The following OSBPL8 variants were observed in gnomAD, a reference collection of about 807,000 sequenced individuals.
OSBPL8 encodes the protein oxysterol binding protein like 8.
Under a neutral mutation model 125.5 loss-of-function variants are expected in OSBPL8, and 59 were observed. That is an observed-to-expected ratio of 0.47 (90% CI 0.38 to 0.58). OSBPL8 has a LOEUF of 0.58. Ranked by LOEUF, OSBPL8 falls within the 20% of genes least tolerant of loss-of-function variation. The pLI is 0.00. For missense variants in OSBPL8, 758 were observed against 1,047.8 expected (o/e 0.72, Z 3.82); for synonymous variants, 330 against 338.9 (o/e 0.97, Z 0.29).
At chr12:76,420,732 G>A (rs949297984) in intron 4 of OSBPL8, among the ~76,000 whole-genome samples, 3 of 151,910 alleles carry the variant, frequency 2.0e-5, no homozygotes, top group African/African-American at 7.2e-5. Context: ...CAACAATGAA[G>A]TATATCAGGA....
chr12:76,525,311 A>G (rs903387350), intron 1 of OSBPL8, among the ~76,000 whole-genome samples: 2 of 152,246 alleles, frequency 1.3e-5, no homozygotes, highest in African/African-American at 4.8e-5. Flanking sequence ...AAAAATATAC[A>G]CATAAAGTAA....
chr12:76,430,545 A>G (rs1352116176), intron 4 of OSBPL8, among the ~76,000 whole-genome samples: 2 of 152,228 alleles, frequency 1.3e-5, no homozygotes, highest in Non-Finnish European at 2.9e-5. Context: ...CTCTGTAACC[A>G]ATTCTAAATA....
intron 2 of OSBPL8, among the ~76,000 whole-genome samples, chr12:76,478,436 A>G (rs61925510): frequency 0.2 from 31,032 of 152,146 alleles, 3,410 homozygotes; most frequent in Non-Finnish European, 0.26. Context: ...ATCTCCAAGA[A>G]TAATAGAAAC....
intron 4 of OSBPL8, among the ~76,000 whole-genome samples, chr12:76,425,223 T>C (rs1870009952): frequency 6.6e-6 from 1 of 152,196 alleles, no homozygotes; most frequent in Admixed American, 6.5e-5. Context: ...TCTTTAGACA[T>C]GCAAGGTCTC....
intron 7 of OSBPL8, 66 bp downstream of exon 7, chr12:76,399,807 C>T: frequency 7.5e-7 from 1 of 1,326,444 alleles, no homozygotes; most frequent in Non-Finnish European, 1.0e-6. Context: ...TAGGTATACT[C>T]CAGGCTTTTC....
intron 2 of OSBPL8, among the ~76,000 whole-genome samples, chr12:76,472,111 C>T (rs1014409366): frequency 2.0e-5 from 3 of 152,188 alleles, no homozygotes; most frequent in African/African-American, 4.8e-5. Flanking sequence ...ATGCAAAGGC[C>T]TGAGTTCAAG....
At chr12:76,508,102 C>T (rs1171897050) in intron 1 of OSBPL8, among the ~76,000 whole-genome samples, 2 of 150,912 alleles carry the variant, frequency 1.3e-5, no homozygotes, top group East Asian at 2.0e-4. Flanking sequence ...ACCTGGGAGG[C>T]GGAGGTTGCA....
intron 21 of OSBPL8, among the ~76,000 whole-genome samples, chr12:76,367,159 A>G (rs1321396403): frequency 2.6e-5 from 4 of 151,858 alleles, no homozygotes; most frequent in Middle Eastern, 3.4e-3. Context: ...TTCTTCATCT[A>G]TTGTTATAGA....
At chr12:76,528,092 G>C (rs562665736) in intron 1 of OSBPL8, among the ~76,000 whole-genome samples, 1 of 152,266 alleles carries the variant, frequency 6.6e-6, no homozygotes, top group Admixed American at 6.5e-5. Flanking sequence ...GGAAGCCGAG[G>C]TGGGCGGATC....
intron 1 of OSBPL8, among the ~76,000 whole-genome samples, chr12:76,488,078 T>C (rs1194736603): frequency 2.6e-5 from 4 of 152,166 alleles, no homozygotes; most frequent in Admixed American, 2.0e-4. Context: ...ATTTCAAGAC[T>C]AGAAATTTTC....
Position 76,513,860 on chromosome 12 carries a change from G to GCA in OSBPL8, c.-67-26244_-67-26243dup, listed in dbSNP as rs554141108. Among the ~76,000 whole-genome samples the GCA allele has an allele frequency of 2.0e-5, 3 of 150,520 alleles. No individual in the cohort carries two copies. The East Asian group carries it at 6.0e-4, about 30-fold the overall frequency. On this transcript the variant is annotated intron_variant, in intron 1 of 23. Transcript: ENST00000261183. Reference sequence around the variant, plus strand: ...AGGTGAGTCTTTTGAAGACAGCATAGCACTGGGTCTTGCTTTTTTATCCAG... The same window carrying GCA: ...AGGTGAGTCTTTTGAAGACAGCATAGCACACTGGGTCTTGCTTTTTTATCCAG...
intron 21 of OSBPL8, among the ~76,000 whole-genome samples, chr12:76,367,174 T>A (rs1290093364): frequency 6.6e-6 from 1 of 152,116 alleles, no homozygotes; most frequent in East Asian, 1.9e-4. Context: ...TATAGAGCTG[T>A]TTCTATCTTC....
chr12:76,538,061 C>T (rs982294458), intron 1 of OSBPL8: 4 of 152,192 alleles, frequency 2.6e-5, no homozygotes, highest in Non-Finnish European at 5.9e-5. Context: ...TAGTGGCAGT[C>T]AGCTAACTAA....
intron 2 of OSBPL8, among the ~76,000 whole-genome samples, chr12:76,476,780 C>G (rs1179900755): frequency 6.6e-6 from 1 of 151,980 alleles, no homozygotes; most frequent in African/African-American, 2.4e-5. Context: ...AAAGACTTCC[C>G]AAGTCTCATC....
At chr12:76,556,488 G>A (rs925397355) in intron 1 of OSBPL8, among the ~76,000 whole-genome samples, 3 of 151,844 alleles carry the variant, frequency 2.0e-5, no homozygotes, top group African/African-American at 7.3e-5. Context: ...AATCTCTCAG[G>A]GGTTTCCCAC....
intron 4 of OSBPL8, among the ~76,000 whole-genome samples, chr12:76,422,263 G>C (rs973941346): frequency 6.6e-6 from 1 of 152,022 alleles, no homozygotes; most frequent in Admixed American, 6.6e-5. Context: ...TATAATTAAA[G>C]CAAAAATTTA....
chr12:76,412,666 C>T (rs1868276389), intron 4 of OSBPL8, among the ~76,000 whole-genome samples: 1 of 152,066 alleles, frequency 6.6e-6, no homozygotes, highest in Admixed American at 6.6e-5. Flanking sequence ...ACACACTATG[C>T]TATAGGTTTC....
At chr12:76,549,987 G>A (rs1041570436) in intron 1 of OSBPL8, among the ~76,000 whole-genome samples, 1 of 150,814 alleles carries the variant, frequency 6.6e-6, no homozygotes, top group East Asian at 2.0e-4. Flanking sequence ...AAGGAGAAAG[G>A]AAGTTACAAG....
At chr12:76,550,900 AC>A (rs1238265553) in intron 1 of OSBPL8, among the ~76,000 whole-genome samples, 1 of 152,116 alleles carries the variant, frequency 6.6e-6, no homozygotes, top group Non-Finnish European at 1.5e-5. Context: ...AAATAGCGAA[AC>A]CCTGTCTGTA....
Sources: gnomAD v4.1 joint callset for allele counts (sites outside exome capture counted in the v4.1 genomes callset) on GRCh38, gnomAD v4.1.1 for gene constraint, MANE v1.5 for transcripts, NCBI Gene and HGNC (gene_info 2026-07-23, HGNC 2026-07-21) for gene names.